Variants in CRHR2 observed in about 807,000 individuals in gnomAD.
CRHR2 encodes corticotropin releasing hormone receptor 2, also known as corticotropin-releasing hormone receptor 2.
A neutral mutation model predicts 57.9 loss-of-function variants in CRHR2; 53 were observed. The ratio of observed to expected loss-of-function variants is 0.92; its 90% CI spans 0.73 to 1.15. The LOEUF (loss-of-function observed/expected upper bound fraction) is 1.15, where lower values mean the gene tolerates loss of function less well. CRHR2 is among the 50% of genes most tolerant of loss of function. The probability of loss-of-function intolerance (pLI) is 0.00; values close to 1 mark genes in which losing one functional copy is unlikely to be tolerated. For synonymous variants in CRHR2, 213 were observed against 220.9 expected, an observed-to-expected ratio of 0.96 and a Z score of 0.32; for missense variants, 532 against 542.6, an observed-to-expected ratio of 0.98 and a Z score of 0.19.
chr7:30,698,999 T>C (rs961603234), intron 1 of CRHR2, among the ~76,000 whole-genome samples: 7 of 152,170 alleles, frequency 4.6e-5, no homozygotes, highest in African/African-American at 1.7e-4. Flanking sequence ...TTATCCTCCT[T>C]ATACGTATAG....
intron 1 of CRHR2, among the ~76,000 whole-genome samples, chr7:30,694,198 G>C (rs79447411): frequency 0.065 from 9,848 of 152,266 alleles, 800 homozygotes; most frequent in African/African-American, 0.19. Flanking sequence ...AGACCAGGTT[G>C]TGGGCTTTTC....
chr7:30,699,956 C>A (rs1171444388), exon 1 of CRHR2: 1 of 1,501,414 alleles, frequency 6.7e-7, no homozygotes, highest in Non-Finnish European at 8.9e-7. Context: ...ATTGGAGCGG[C>A]GGTGGGAGGA....
At chr7:30,676,726 A>C (rs1364394783) in intron 2 of CRHR2, among the ~76,000 whole-genome samples, 1 of 152,232 alleles carries the variant, frequency 6.6e-6, no homozygotes, top group Non-Finnish European at 1.5e-5. Flanking sequence ...TGAAGAAGGG[A>C]TTCCTGCATA....
At chr7:30,681,320 CCCAGCAGGTCAGT>C (rs1784697588) in intron 2 of CRHR2, among the ~76,000 whole-genome samples, 1 of 152,204 alleles carries the variant, frequency 6.6e-6, no homozygotes, top group Non-Finnish European at 1.5e-5. Context: ...CCTGACTCAG[CCCAGCAGGTCAGT>C]CCTGGGACCT....
At chr7:30,697,258 G>T (rs1487469197) in intron 1 of CRHR2, among the ~76,000 whole-genome samples, 1 of 152,130 alleles carries the variant, frequency 6.6e-6, no homozygotes, top group African/African-American at 2.4e-5. Context: ...CAGGACCTGG[G>T]GCAAGAGGTC....
rs759727592 is a variant in CRHR2 at position 30,662,699 on chromosome 7, C to T, written c.692G>A (p.Gly231Glu). The change falls in exon 6 of 12, where the codon GGA (glycine) becomes GAA (glutamate). Residue 231 changes from glycine to glutamate, a missense_variant. Coordinates refer to ENST00000471646, the MANE Select transcript of CRHR2 (RefSeq NM_001883.5). Reference protein sequence around the residue: ...RLRKCLFLFIGWCIPFPIIVA... With the variant: ...RLRKCLFLFIEWCIPFPIIVA... ...GCTGCCCCTGGGACCCTCACACCAT[C>T]CGATGAAGAGGAAGAGGCACTTGCG... 6.2e-7 allele frequency: 1 copy of T among 1,613,610 alleles called. No individual in the cohort carries two copies. Among genetic ancestry groups the T allele is most frequent in the Non-Finnish European group, 8.5e-7 (1 of 1,179,638 alleles).
chr7:30,664,658 G>C (rs1198717493), intron 5 of CRHR2, among the ~76,000 whole-genome samples: 3 of 152,064 alleles, frequency 2.0e-5, no homozygotes, highest in South Asian at 4.1e-4. Flanking sequence ...AATGGCTAGG[G>C]TGGAGGTGAG....
At chr7:30,657,083 TCACACACACACA>T (rs55909312) in intron 8 of CRHR2, among the ~76,000 whole-genome samples, 2 of 145,522 alleles carry the variant, frequency 1.4e-5, no homozygotes, top group Non-Finnish European at 3.0e-5. Context: ...ACACACCCAC[TCACACACACACA>T]CACACACACA....
In CRHR2 at chr7:30,682,243, T is replaced by A. The variant is rs559667175; in HGVS notation, c.38A>T (p.Asn13Ile). ...AALLHSLLEA[N>I]CSLALAEELL... ...CTCTTCAGCCAGCGCCAGGCTGCAGTTGGCCTCCAGCAGGCTGTGGAGCAG... is the reference window on the plus strand; with the variant it reads ...CTCTTCAGCCAGCGCCAGGCTGCAGATGGCCTCCAGCAGGCTGTGGAGCAG... The change falls in exon 1 of 12, where the codon AAC becomes ATC. Residue 13 changes from asparagine (N) to isoleucine (I), a missense_variant. By Grantham distance (149) the Asn-to-Ile change is moderately radical. Coordinates refer to ENST00000471646, the MANE Select transcript of CRHR2 (RefSeq NM_001883.5). 1 of 1,589,386 alleles carries A rather than the reference T, an allele frequency of 6.3e-7. No homozygotes were observed. Among genetic ancestry groups the A allele is most frequent in the African/African-American group, 1.4e-5 (1 of 73,708 alleles).
chr7:30,692,258 G>C (rs1341661963), intron 1 of CRHR2, among the ~76,000 whole-genome samples: 2 of 152,168 alleles, frequency 1.3e-5, no homozygotes, highest in Non-Finnish European at 2.9e-5. Context: ...CCCTCATCGG[G>C]ACTCCCAAGG....
exon 2 of CRHR2, chr7:30,689,230 G>T: frequency 6.4e-7 from 1 of 1,550,512 alleles, no homozygotes. Flanking sequence ...TGGCAGTACT[G>T]CTCCAGAAGT....
At chr7:30,666,959 G>A (rs574872617) in intron 3 of CRHR2, among the ~76,000 whole-genome samples, 325 of 152,302 alleles carry the variant, frequency 2.1e-3, no homozygotes, top group Middle Eastern at 6.8e-3. Flanking sequence ...TTGATTACAC[G>A]GTTATTCCCT....
At position 30,656,111 on chromosome 7, in the gene CRHR2, G is replaced by C. The variant is rs546180237; in HGVS notation, c.832-99C>G. On this transcript the variant is annotated intron_variant, in intron 8 of 11. Transcript: ENST00000471646. This position sits in a 1 kb window ranked among gnomAD's most constrained non-coding sequence, Gnocchi z 4.4. ...CCTTCCCCGCAGACCCCTGGAAACC[G>C]ATGTCCCACGCACACACCTATCCTA... 1.5e-4 allele frequency: 162 copies of C among 1,077,238 alleles called. No homozygotes were observed. In the African/African-American group the frequency reaches 1.7e-3, roughly 11 times the overall value. 66.7% of individuals were successfully genotyped at this position (1,077,238 alleles called of 1,614,324 possible).
Position 30,682,447 on chromosome 7 carries a change from G to A in CRHR2, c.-167C>T. 1 of 1,353,046 alleles carries A rather than the reference G, an allele frequency of 7.4e-7. No homozygotes were observed. Among genetic ancestry groups the A allele is most frequent in the Non-Finnish European group, 9.4e-7 (1 of 1,059,592 alleles). 83.8% of individuals were successfully genotyped at this position (1,353,046 alleles called of 1,614,324 possible). ...TGGGCGCCACCTCCGGTCGCCCAGA[G>A]CTGTCAAGTGGGGACCTTCCCGGAG... is the stretch of plus-strand genomic sequence containing the variant. On this transcript the variant is annotated 5_prime_UTR_variant, in exon 1 of 12. Transcript: ENST00000471646.
intron 5 of CRHR2, 99 bp from the exon 6 acceptor site, chr7:30,662,946 G>A: frequency 1.4e-6 from 2 of 1,411,146 alleles, no homozygotes; most frequent in Non-Finnish European, 1.9e-6. Context: ...CTCCCCAAAG[G>A]GGGTTCGTGG....
intron 7 of CRHR2, 49 bp downstream of exon 7, chr7:30,662,107 A>AC: frequency 6.2e-7 from 1 of 1,600,412 alleles, no homozygotes; most frequent in Non-Finnish European, 8.6e-7. Flanking sequence ...CTGTCCTAAC[A>AC]CCCCCATTCC....
chr7:30,660,109 A>G (rs941588277), intron 8 of CRHR2, among the ~76,000 whole-genome samples: 1 of 152,224 alleles, frequency 6.6e-6, no homozygotes, highest in Admixed American at 6.5e-5. Context: ...ACAAGGAACA[A>G]TTCCTCATTA....
intron 1 of CRHR2, among the ~76,000 whole-genome samples, chr7:30,690,320 G>C (rs1424074465): frequency 6.6e-6 from 1 of 152,226 alleles, no homozygotes; most frequent in Non-Finnish European, 1.5e-5. Flanking sequence ...AGAGAGGCTG[G>C]AAAATGCATG....
intron 1 of CRHR2, among the ~76,000 whole-genome samples, chr7:30,696,127 G>A (rs1785051207): frequency 1.3e-5 from 2 of 152,144 alleles, no homozygotes; most frequent in Admixed American, 6.5e-5. Flanking sequence ...GAGAGTGGAA[G>A]AATGGTTACC....
Sources: gnomAD v4.1 joint callset for allele counts (sites outside exome capture counted in the v4.1 genomes callset) on GRCh38, gnomAD v4.1.1 for gene constraint, Gnocchi (gnomAD v3.1) non-coding constraint, MANE v1.5 for transcripts, NCBI Gene and HGNC (gene_info 2026-07-23, HGNC 2026-07-21) for gene names.